The following SLC38A4 variants were observed in gnomAD, a reference collection of about 807,000 sequenced individuals.
SLC38A4 encodes the protein sodium-coupled neutral amino acid transporter 4.
SLC38A4 carries 20 observed loss-of-function variants against 63.1 expected under a neutral mutation model. That is an observed-to-expected ratio of 0.32 (90% CI 0.22 to 0.46). The LOEUF (loss-of-function observed/expected upper bound fraction) is 0.46, where lower values mean the gene tolerates loss of function less well. Among genes scored for constraint, SLC38A4 ranks in the 20% least tolerant of loss-of-function variants. The pLI, the probability that SLC38A4 is intolerant of heterozygous loss-of-function variation, is 1.00. For missense variants in SLC38A4, 526 were observed against 663.6 expected, an observed-to-expected ratio of 0.79 and a Z score of 2.28; for synonymous variants, 230 against 225.5, an observed-to-expected ratio of 1.02 and a Z score of -0.18.
intron 14 of SLC38A4, among the ~76,000 whole-genome samples, chr12:46,772,246 T>C (rs1484992647): frequency 6.6e-6 from 1 of 152,048 alleles, no homozygotes; most frequent in Non-Finnish European, 1.5e-5. Flanking sequence ...TCCACTGCAG[T>C]TGATAGCAAT....
At chr12:46,773,348 A>C (rs1938456761) in intron 14 of SLC38A4, among the ~76,000 whole-genome samples, 1 of 152,110 alleles carries the variant, frequency 6.6e-6, no homozygotes, top group African/African-American at 2.4e-5. Context: ...CCAGGGACTT[A>C]TGACTCTGTG....
At chr12:46,800,862 T>C (rs1186017373) in intron 2 of SLC38A4, among the ~76,000 whole-genome samples, 2 of 152,140 alleles carry the variant, frequency 1.3e-5, no homozygotes, top group South Asian at 2.1e-4. Context: ...TTTTTGATTA[T>C]AGTTTTATAG....
chr12:46,771,580 T>C (rs1938416485), intron 14 of SLC38A4, among the ~76,000 whole-genome samples: 1 of 152,124 alleles, frequency 6.6e-6, no homozygotes, highest in Non-Finnish European at 1.5e-5. Flanking sequence ...CAAAAGCTTC[T>C]TCCTCTTTCT....
intron 14 of SLC38A4, among the ~76,000 whole-genome samples, chr12:46,770,235 G>A (rs1193707060): frequency 6.6e-6 from 1 of 151,852 alleles, no homozygotes; most frequent in Admixed American, 6.6e-5. Context: ...ACAAGATTGT[G>A]AAAGGAATTT....
intron 5 of SLC38A4, 22 bp downstream of exon 5, chr12:46,787,894 G>T: frequency 6.4e-7 from 1 of 1,555,172 alleles, no homozygotes; most frequent in Non-Finnish European, 8.9e-7. Context: ...ATCACCAAAT[G>T]TAGACATATA....
At chr12:46,800,124 C>T (rs186699147) in intron 2 of SLC38A4, among the ~76,000 whole-genome samples, 39 of 152,150 alleles carry the variant, frequency 2.6e-4, no homozygotes, top group African/African-American at 8.7e-4. Flanking sequence ...CTTCATTCAC[C>T]CAACCACTCA....
intron 1 of SLC38A4, among the ~76,000 whole-genome samples, chr12:46,825,171 C>T (rs1162645522): frequency 2.0e-5 from 3 of 149,388 alleles, no homozygotes; most frequent in Non-Finnish European, 3.0e-5. Flanking sequence ...CTTTAATATA[C>T]GAAGTTTAAA....
Position 46,780,033 on chromosome 12 carries a change from A to C in SLC38A4, c.494-3T>G, listed in dbSNP as rs1391662972. Reference sequence around the variant, plus strand: ...GATAAAGAGGTAGCTTGACATTGCTAAAATGGAAAATGTGACAGCTTAATG... The same window carrying C: ...GATAAAGAGGTAGCTTGACATTGCTCAAATGGAAAATGTGACAGCTTAATG... On this transcript the variant is annotated splice_polypyrimidine_tract_variant and splice_region_variant and intron_variant, in intron 7 of 16. Coordinates refer to ENST00000266579, the MANE Select transcript of SLC38A4 (RefSeq NM_018018.5). The C allele has an allele frequency of 6.2e-7, 1 of 1,606,930 alleles. No individual in the cohort carries two copies.
At chr12:46,795,622 C>T (rs933942244) in intron 2 of SLC38A4, among the ~76,000 whole-genome samples, 8 of 152,048 alleles carry the variant, frequency 5.3e-5, no homozygotes, top group Non-Finnish European at 8.8e-5. Flanking sequence ...ACTTTTTTCA[C>T]ACAATGAGCC....
chr12:46,792,916 AT>A, intron 3 of SLC38A4, 36 bp downstream of exon 3: 1 of 1,481,016 alleles, frequency 6.8e-7, no homozygotes. Context: ...ATCCTGTCTT[AT>A]TTTTCCATGG....
intron 1 of SLC38A4, among the ~76,000 whole-genome samples, chr12:46,805,738 C>A (rs1313297931): frequency 6.6e-6 from 1 of 151,772 alleles, no homozygotes; most frequent in Non-Finnish European, 1.5e-5. Flanking sequence ...TATGGGCAGA[C>A]CTTAAAAATG....
intron 1 of SLC38A4, among the ~76,000 whole-genome samples, chr12:46,818,600 C>A (rs1263886666): frequency 6.6e-6 from 1 of 151,618 alleles, no homozygotes; most frequent in Non-Finnish European, 1.5e-5. Flanking sequence ...ATATAAGGAA[C>A]CCTCAGCTGG....
chr12:46,801,697 T>C lies in SLC38A4; in HGVS notation c.-113+1906A>G, dbSNP rs571840954. The stretch of plus-strand genomic sequence containing the variant: ...TTAAATCTACATCCACCCTGTACCA[T>C]AGATAAATGAATGTAGCTTTTACAC... On this transcript the variant is annotated intron_variant, in intron 2 of 16. Coordinates refer to ENST00000266579, the MANE Select transcript of SLC38A4 (RefSeq NM_018018.5). 9.9e-5 allele frequency among the ~76,000 whole-genome samples: 15 copies of C among 152,202 alleles called. 1 individual carries two copies. In the South Asian group the frequency reaches 2.5e-3, roughly 25 times the overall value.
intron 2 of SLC38A4, among the ~76,000 whole-genome samples, chr12:46,793,656 G>T (rs745309075): frequency 5.3e-5 from 8 of 152,070 alleles, no homozygotes; most frequent in Admixed American, 2.0e-4. Context: ...GGACATGAAA[G>T]AATTAACACC....
intron 3 of SLC38A4, 124 bp from the exon 4 acceptor site, chr12:46,788,742 C>G: frequency 1.3e-6 from 1 of 799,006 alleles, no homozygotes; most frequent in Non-Finnish European, 2.0e-6. Context: ...CCCCAATTTT[C>G]TTTTCCTCCT....
upstream of SLC38A4, among the ~76,000 whole-genome samples, chr12:46,828,725 G>GTATTT (rs1187259342): frequency 6.6e-6 from 1 of 152,142 alleles, no homozygotes; most frequent in African/African-American, 2.4e-5. Context: ...TGAGCACCTG[G>GTATTT]TATTTGCCCA....
upstream of SLC38A4, among the ~76,000 whole-genome samples, chr12:46,828,748 G>A (rs576170282): frequency 1.3e-5 from 2 of 152,252 alleles, no homozygotes; most frequent in African/African-American, 2.4e-5. Flanking sequence ...ACTGTGCTAG[G>A]TGCTAGGAAG....
intron 2 of SLC38A4, among the ~76,000 whole-genome samples, chr12:46,802,194 C>G (rs1939144706): frequency 6.6e-6 from 1 of 152,032 alleles, no homozygotes; most frequent in Middle Eastern, 3.2e-3. Flanking sequence ...TCATCTTAAA[C>G]ATAAATTGCC....
At chr12:46,810,837 A>T (rs1939325212) in intron 1 of SLC38A4, among the ~76,000 whole-genome samples, 1 of 152,048 alleles carries the variant, frequency 6.6e-6, no homozygotes, top group Admixed American at 6.6e-5. Context: ...CCACTAGCTA[A>T]ATCTCTAGTT....
Sources: allele counts gnomAD v4.1 joint callset (sites outside exome capture counted in the v4.1 genomes callset), GRCh38; gene constraint gnomAD v4.1.1; transcripts MANE v1.5; gene names NCBI Gene and HGNC (gene_info 2026-07-23, HGNC 2026-07-21).